Variants in CATSPER3 observed in about 807,000 individuals in gnomAD.
CATSPER3 encodes the protein cation channel sperm-associated protein 3.
A neutral mutation model predicts 36.6 loss-of-function variants in CATSPER3; 23 were observed. The ratio of observed to expected loss-of-function variants is 0.63; its 90% confidence interval spans 0.45 to 0.89. The LOEUF (loss-of-function observed/expected upper bound fraction) is 0.89. Ranked by LOEUF, CATSPER3 falls within the 40% of genes least tolerant of loss-of-function variation. The pLI, the probability that CATSPER3 is intolerant of heterozygous loss-of-function variation, is 0.00. For missense variants in CATSPER3, 474 were observed against 503.9 expected (o/e 0.94, Z 0.57); for synonymous variants, 172 against 184.1 (o/e 0.93, Z 0.53).
At chr5:134,973,915 A>G (rs1212559734) in intron 2 of CATSPER3, among the ~76,000 whole-genome samples, 1 of 152,242 alleles carries the variant, frequency 6.6e-6, no homozygotes. Context: ...ATTAAGGGAA[A>G]GAGTCAAGCA....
chr5:135,010,603 G>T, intron 7 of CATSPER3, 73 bp downstream of exon 7: 1 of 1,362,316 alleles, frequency 7.3e-7, no homozygotes, highest in Non-Finnish European at 1.0e-6. Context: ...TGCCCTGGGA[G>T]AGTGAAGGGG....
chr5:135,007,869 G>C (rs1752110074), intron 3 of CATSPER3, 88 bp from the exon 4 acceptor site: 3 of 1,010,502 alleles, frequency 3.0e-6, no homozygotes, highest in African/African-American at 3.3e-5. Flanking sequence ...GCTGGGGACA[G>C]CTGTGAACTG....
chr5:135,011,055 G>C (rs964413335), intron 7 of CATSPER3, among the ~76,000 whole-genome samples: 3 of 152,238 alleles, frequency 2.0e-5, no homozygotes, highest in Non-Finnish European at 4.4e-5. Flanking sequence ...TGAGCAGGAA[G>C]GATGTAAAAA....
At chr5:134,978,411 C>A (rs1580903826) in intron 2 of CATSPER3, among the ~76,000 whole-genome samples, 3 of 151,968 alleles carry the variant, frequency 2.0e-5, no homozygotes, top group Admixed American at 6.6e-5. Context: ...TCATACTGTA[C>A]CCCATAAATA....
Position 135,011,559 on chromosome 5 carries a change from G to A in CATSPER3, c.1133G>A (p.Ser378Asn). 1 of 1,614,126 alleles carries A rather than the reference G, an allele frequency of 6.2e-7. No homozygotes were observed. The highest frequency in any genetic ancestry group is 1.1e-5 in the South Asian group (1 of 91,068). ...TACTATGAGATCGTGCATGTGCTGA[G>A]CCTAATGCTGGAAGACTTGCCCCAG... ...ELYYEIVHVL[S>N]LMLEDLPQEK... The change falls in exon 8 of 8, where the codon AGC becomes AAC. Residue 378 changes from serine to asparagine, a missense_variant. By Grantham distance (46) the Ser-to-Asn change is conservative. Transcript: ENST00000282611.
intron 5 of CATSPER3, 72 bp downstream of exon 5, chr5:135,009,053 G>GTCCTCCCTGGA: frequency 6.3e-7 from 1 of 1,597,168 alleles, no homozygotes; most frequent in Non-Finnish European, 8.6e-7. Flanking sequence ...AAGTCTCCAG[G>GTCCTCCCTGGA]GAGGACCTGG....
chr5:135,000,220 T>G (rs568721492), intron 3 of CATSPER3, among the ~76,000 whole-genome samples: 1 of 152,376 alleles, frequency 6.6e-6, no homozygotes, highest in South Asian at 2.1e-4. Flanking sequence ...TTTATTGATT[T>G]GCATATGTTG....
chr5:134,993,599 AC>A (rs1196403834), intron 2 of CATSPER3, among the ~76,000 whole-genome samples: 1 of 152,194 alleles, frequency 6.6e-6, no homozygotes, highest in Non-Finnish European at 1.5e-5. Flanking sequence ...AAGTACAGAT[AC>A]GGTAGATATC....
intron 6 of CATSPER3, among the ~76,000 whole-genome samples, 192 bp downstream of exon 6, chr5:135,009,682 T>G (rs1040499271): frequency 1.3e-5 from 2 of 152,388 alleles, no homozygotes; most frequent in African/African-American, 4.8e-5. Flanking sequence ...TTTGTGTTTC[T>G]CTGGACCTCT....
intron 3 of CATSPER3, among the ~76,000 whole-genome samples, chr5:135,004,418 G>A (rs1328696042): frequency 1.3e-5 from 2 of 152,226 alleles, no homozygotes; most frequent in Non-Finnish European, 2.9e-5. Flanking sequence ...AGACCTTGCA[G>A]TGTGTCCTAA....
At chr5:135,004,302 A>G (rs1752057458) in intron 3 of CATSPER3, among the ~76,000 whole-genome samples, 1 of 152,168 alleles carries the variant, frequency 6.6e-6, no homozygotes, top group African/African-American at 2.4e-5. Flanking sequence ...GGAGCCCTGG[A>G]ACAGAAATGC....
intron 2 of CATSPER3, among the ~76,000 whole-genome samples, chr5:134,983,807 ATAAAT>A (rs1751776669): frequency 4.6e-5 from 7 of 152,212 alleles, no homozygotes; most frequent in Admixed American, 4.6e-4. Context: ...ACAAATCTCA[ATAAAT>A]TAAAATATTG....
chr5:134,990,140 C>A (rs937863292), intron 2 of CATSPER3, among the ~76,000 whole-genome samples: 2 of 152,116 alleles, frequency 1.3e-5, no homozygotes, highest in Non-Finnish European at 2.9e-5. Context: ...AAATCTGAGA[C>A]AGGTCTCAGC....
intron 2 of CATSPER3, among the ~76,000 whole-genome samples, chr5:134,989,982 C>T (rs1751858345): frequency 6.6e-6 from 1 of 152,036 alleles, no homozygotes; most frequent in South Asian, 2.1e-4. Context: ...TGTTACATCT[C>T]AAGGAATAAG....
chr5:135,005,882 A>G (rs566816924), intron 3 of CATSPER3, among the ~76,000 whole-genome samples: 40 of 152,166 alleles, frequency 2.6e-4, no homozygotes, highest in Middle Eastern at 6.8e-3. Context: ...CACACATCCA[A>G]TGGGCTGTGT....
chr5:134,970,569 T>TTTC (rs70976560), intron 2 of CATSPER3, among the ~76,000 whole-genome samples: 12 of 43,082 alleles, frequency 2.8e-4, no homozygotes, highest in Admixed American at 4.4e-4. Context: ...ACATGGTGGA[T>TTTC]TTTTTTTTTT....
chr5:135,007,903 G>A (rs1316140180), intron 3 of CATSPER3, 54 bp from the exon 4 acceptor site: 1 of 1,499,154 alleles, frequency 6.7e-7, no homozygotes, highest in African/African-American at 1.4e-5. Flanking sequence ...TCTGTCCCTG[G>A]AGCCCACCCA....
At chr5:134,995,285 C>T (rs1446822655) in intron 2 of CATSPER3, among the ~76,000 whole-genome samples, 3 of 152,042 alleles carry the variant, frequency 2.0e-5, no homozygotes, top group Non-Finnish European at 4.4e-5. Context: ...CTCTTCATCC[C>T]CTGCCCTTCC....
chr5:135,007,348 A>G (rs1259456931), intron 3 of CATSPER3, among the ~76,000 whole-genome samples: 2 of 152,240 alleles, frequency 1.3e-5, no homozygotes, highest in Non-Finnish European at 2.9e-5. Flanking sequence ...GCAAGACTCC[A>G]GAGCAGGAAG....
Sources: gnomAD v4.1 joint callset for allele counts (sites outside exome capture counted in the v4.1 genomes callset) on GRCh38, gnomAD v4.1.1 for gene constraint, MANE v1.5 for transcripts, NCBI Gene and HGNC (gene_info 2026-07-23, HGNC 2026-07-21) for gene names.